Variants in LRMDA observed in about 807,000 individuals in gnomAD.
LRMDA encodes the protein leucine rich melanocyte differentiation associated, also known as leucine-rich melanocyte differentiation-associated protein.
Under a neutral mutation model 29.8 loss-of-function variants are expected in LRMDA, and 18 were observed. That is an observed-to-expected ratio of 0.60 (90% confidence interval 0.42 to 0.90). The LOEUF is 0.90. Among genes scored for constraint, LRMDA ranks in the 40% least tolerant of loss-of-function variants. The pLI is 0.00. For missense variants in LRMDA, 273 were observed against 273.9 expected, an observed-to-expected ratio of 1.00 and a Z score of 0.02; for synonymous variants, 125 against 109.4, an observed-to-expected ratio of 1.14 and a Z score of -0.89.
chr10:76,151,361 C>T (rs896237900), intron 5 of LRMDA, among the ~76,000 whole-genome samples: 5 of 152,172 alleles, frequency 3.3e-5, no homozygotes, highest in Non-Finnish European at 5.9e-5. Context: ...TTGCCTAAGC[C>T]CACAGCCATC....
rs558637864 is a variant in LRMDA at position 76,251,226 on chromosome 10, C to CT, written c.517-73138dup. The stretch of plus-strand genomic sequence containing the variant: ...CATTGAAGGTTATCTCCCGTCGCTT[C>CT]TTTTTTTTTTTTTTTTTTTTTTTTT... On this transcript the variant is annotated intron_variant, in intron 5 of 6. Transcript: ENST00000611255. 1.2e-3 allele frequency among the ~76,000 whole-genome samples: 87 copies of CT among 70,306 alleles called. 18 individuals carry two copies. Among genetic ancestry groups the CT allele is most frequent in the South Asian group, 2.2e-3 (3 of 1,346 alleles). 46.1% of individuals were successfully genotyped at this position (70,306 alleles called of 152,430 possible). A position where few individuals can be genotyped will look rare whatever the true frequency, so the allele number is the denominator to read the frequency against.
intron 2 of LRMDA, among the ~76,000 whole-genome samples, chr10:75,737,060 C>T (rs191121129): frequency 3.1e-3 from 477 of 151,430 alleles, no homozygotes; most frequent in Non-Finnish European, 5.1e-3. Context: ...CACGCACGCA[C>T]GCACACACAC....
chr10:76,150,217 G>A lies in LRMDA; in HGVS notation c.516+91434G>A, dbSNP rs369461489. ...TGCCTCTGAGCAGCCTTCTTTATGA[G>A]TCAGTGCTAAAGCCTAGCCCAGGTT... On this transcript the variant is annotated intron_variant, in intron 5 of 6. Coordinates refer to ENST00000611255, the MANE Select transcript of LRMDA (RefSeq NM_001305581.2). 5.9e-5 allele frequency among the ~76,000 whole-genome samples: 9 copies of A among 152,340 alleles called. No individual in the cohort carries two copies. The East Asian group carries it at 1.5e-3, about 26-fold the overall frequency.
At chr10:75,566,418 A>G (rs879672187) in intron 2 of LRMDA, among the ~76,000 whole-genome samples, 3 of 152,202 alleles carry the variant, frequency 2.0e-5, no homozygotes, top group African/African-American at 4.8e-5. Flanking sequence ...GCCCCACCCC[A>G]GACCTACTGA....
intron 2 of LRMDA, among the ~76,000 whole-genome samples, chr10:75,944,659 G>C (rs1846448111): frequency 6.6e-6 from 1 of 150,652 alleles, no homozygotes; most frequent in African/African-American, 2.4e-5. Context: ...TACCTTCAAG[G>C]TCACTGAACT....
chr10:76,009,791 G>A (rs748021108), intron 2 of LRMDA, among the ~76,000 whole-genome samples: 2 of 151,986 alleles, frequency 1.3e-5, no homozygotes, highest in Admixed American at 6.5e-5. Context: ...TTCAGCTGCC[G>A]AGTCATCAGT....
intron 2 of LRMDA, among the ~76,000 whole-genome samples, chr10:75,816,221 A>T (rs1043082194): frequency 6.6e-6 from 1 of 152,164 alleles, no homozygotes; most frequent in East Asian, 1.9e-4. Flanking sequence ...GCTATGGTGG[A>T]CAACACTCTG....
intron 6 of LRMDA, among the ~76,000 whole-genome samples, chr10:76,502,970 A>G (rs922384947): frequency 1.8e-4 from 27 of 151,756 alleles, no homozygotes; most frequent in African/African-American, 6.5e-4. Flanking sequence ...GTCTTGTTAC[A>G]GTTCTCCCAG....
chr10:76,246,110 C>T (rs1405641677), intron 5 of LRMDA, among the ~76,000 whole-genome samples: 2 of 152,142 alleles, frequency 1.3e-5, no homozygotes. Flanking sequence ...AAGTTCACAG[C>T]CTTTGGGCTT....
At chr10:75,757,138 G>A (rs1218627108) in intron 2 of LRMDA, among the ~76,000 whole-genome samples, 1 of 152,202 alleles carries the variant, frequency 6.6e-6, no homozygotes, top group Admixed American at 6.5e-5. Context: ...AAGACAGAAA[G>A]CAGAAACCAA....
intron 2 of LRMDA, among the ~76,000 whole-genome samples, chr10:75,498,166 T>G (rs1230686724): frequency 2.6e-5 from 4 of 152,224 alleles, no homozygotes; most frequent in Non-Finnish European, 5.9e-5. Flanking sequence ...TATGACATTT[T>G]CCTTGGTCCC....
At position 75,604,646 on chromosome 10, in the gene LRMDA, G is replaced by C. The variant is rs191193027; in HGVS notation, c.131+166152G>C. On this transcript the variant is annotated intron_variant, in intron 2 of 6. Transcript: ENST00000611255. ...AAACCCAACTAAATTAGAGTTGAGA[G>C]ACTGGAGGAGAAAAAGGACTCAGGA... is the stretch of plus-strand genomic sequence containing the variant. 2.9e-3 allele frequency among the ~76,000 whole-genome samples: 446 copies of C among 152,278 alleles called. 4 individuals are homozygous for C. The highest frequency in any genetic ancestry group is 3.2e-3 in the Non-Finnish European group (218 of 68,020).
intron 5 of LRMDA, among the ~76,000 whole-genome samples, chr10:76,315,060 C>T (rs568145143): frequency 2.6e-5 from 4 of 152,340 alleles, no homozygotes; most frequent in African/African-American, 9.6e-5. Context: ...GCTTAGGATT[C>T]AGGCTATGGA....
chr10:76,258,648 C>T (rs1054987807), intron 5 of LRMDA, among the ~76,000 whole-genome samples: 5 of 152,130 alleles, frequency 3.3e-5, no homozygotes, highest in Non-Finnish European at 7.4e-5. Flanking sequence ...ATCATCTCTT[C>T]CACTTTTCAT....
chr10:75,787,132 C>G lies in LRMDA; in HGVS notation c.132-248876C>G, dbSNP rs562164446. 2.6e-5 allele frequency among the ~76,000 whole-genome samples: 4 copies of G among 152,316 alleles called. No homozygotes were observed. In the East Asian group the frequency reaches 7.7e-4, roughly 29 times the overall value. The stretch of plus-strand genomic sequence containing the variant: ...GGTCTATAGACTTGAGTGTCTCTAT[C>G]TTTTCTGGCTCTTCCGCATGCTTGG... On this transcript the variant is annotated intron_variant, in intron 2 of 6. Coordinates refer to ENST00000611255, the MANE Select transcript of LRMDA (RefSeq NM_001305581.2).
intron 2 of LRMDA, among the ~76,000 whole-genome samples, chr10:75,779,201 G>A (rs1192278149): frequency 6.6e-6 from 1 of 152,136 alleles, no homozygotes; most frequent in East Asian, 1.9e-4. Context: ...AGGGACACTA[G>A]CTACTGTTTT....
chr10:75,557,215 GA>G (rs1360865206), intron 2 of LRMDA, among the ~76,000 whole-genome samples: 2 of 151,782 alleles, frequency 1.3e-5, no homozygotes, highest in African/African-American at 2.4e-5. Context: ...TTGGGAGGCT[GA>G]GGCAGGAGAA....
At chr10:75,924,459 C>CAAA (rs534764978) in intron 2 of LRMDA, among the ~76,000 whole-genome samples, 2 of 151,750 alleles carry the variant, frequency 1.3e-5, no homozygotes, top group Non-Finnish European at 2.9e-5. Context: ...GATGGCTTGT[C>CAAA]AAAAAAAATA....
chr10:75,792,462 A>G (rs1843585292), intron 2 of LRMDA, among the ~76,000 whole-genome samples: 1 of 152,142 alleles, frequency 6.6e-6, no homozygotes. Context: ...ATGGGGTTTC[A>G]CCATGATGTC....
Sources: gnomAD v4.1 joint callset for allele counts (sites outside exome capture counted in the v4.1 genomes callset) on GRCh38, gnomAD v4.1.1 for gene constraint, MANE v1.5 for transcripts, NCBI Gene and HGNC (gene_info 2026-07-23, HGNC 2026-07-21) for gene names.